Variants in ELAPOR2 observed in about 807,000 individuals in gnomAD.
ELAPOR2 encodes endosome/lysosome-associated apoptosis and autophagy regulator family member 2.
In ELAPOR2, 89 loss-of-function variants were observed where a neutral mutation model predicts 120.7. The observed-to-expected ratio is 0.74, with a 90% CI of 0.62 to 0.88. The LOEUF (loss-of-function observed/expected upper bound fraction) is 0.88, where lower values mean the gene tolerates loss of function less well. Ranked by LOEUF, ELAPOR2 falls within the 40% of genes least tolerant of loss-of-function variation. The pLI is 0.00. For missense variants in ELAPOR2, 1,134 were observed against 1,251.6 expected, an observed-to-expected ratio of 0.91 and a Z score of 1.42; for synonymous variants, 444 against 444.9, an observed-to-expected ratio of 1.00 and a Z score of 0.03.
chr7:87,016,664 A>G (rs1273501216), intron 1 of ELAPOR2, among the ~76,000 whole-genome samples: 1 of 138,208 alleles, frequency 7.2e-6, no homozygotes, highest in African/African-American at 2.7e-5. Context: ...TATAGTAACT[A>G]TTATATATAT....
chr7:86,950,415 T>A (rs1791196267), intron 2 of ELAPOR2, among the ~76,000 whole-genome samples: 1 of 152,132 alleles, frequency 6.6e-6, no homozygotes, highest in African/African-American at 2.4e-5. Flanking sequence ...ATACCAGACC[T>A]GGAAGCTCCC....
At chr7:86,985,170 T>C (rs1210105474) in intron 1 of ELAPOR2, among the ~76,000 whole-genome samples, 1 of 152,132 alleles carries the variant, frequency 6.6e-6, no homozygotes, top group Non-Finnish European at 1.5e-5. Context: ...AATAGACCAA[T>C]AACAGGCTCT....
At chr7:87,008,915 A>G (rs1446831319) in intron 1 of ELAPOR2, among the ~76,000 whole-genome samples, 2 of 152,194 alleles carry the variant, frequency 1.3e-5, no homozygotes, top group East Asian at 3.8e-4. Context: ...CCTACAAAAA[A>G]GGAATCGGGG....
At position 86,913,018 on chromosome 7, in the gene ELAPOR2, C is replaced by T. The variant is rs932275148; in HGVS notation, c.1918G>A (p.Asp640Asn). 2.3e-5 allele frequency: 37 copies of T among 1,613,930 alleles called. No homozygotes were observed. Among genetic ancestry groups the T allele is most frequent in the Non-Finnish European group, 3.0e-5 (35 of 1,180,006 alleles). Reference protein sequence around the residue: ...ETNQCKECPPDTYLSIHQVYG... With the variant: ...ETNQCKECPPNTYLSIHQVYG... The stretch of plus-strand genomic sequence containing the variant: ...ACCTGATGTATGGACAGGTAGGTGT[C>T]AGGTGGACATTCCTTGCACTGGTTG... The change falls in exon 14 of 22, where the codon GAC (aspartate) becomes AAC (asparagine). Residue 640 changes from aspartate to asparagine, a missense_variant. By Grantham distance (23) the Asp-to-Asn change is conservative. Around this residue, in one of 3 missense-constraint regions of ELAPOR2, gnomAD observed 831 missense variants for 867.6 expected, o/e 0.96. Transcript: ENST00000450689.
intron 19 of ELAPOR2, 103 bp downstream of exon 19, chr7:86,897,402 TA>T (rs1788484706): frequency 7.3e-7 from 1 of 1,376,072 alleles, no homozygotes; most frequent in Non-Finnish European, 9.9e-7. Flanking sequence ...AACATTAAGT[TA>T]AATACAAGCT....
intron 1 of ELAPOR2, among the ~76,000 whole-genome samples, chr7:87,007,479 T>C (rs1260436810): frequency 1.3e-5 from 2 of 152,134 alleles, no homozygotes; most frequent in Non-Finnish European, 2.9e-5. Flanking sequence ...TGAAATAAGA[T>C]AAAGAGGTAG....
chr7:86,925,770 A>T, intron 9 of ELAPOR2, 114 bp from the exon 10 acceptor site: 1 of 967,128 alleles, frequency 1.0e-6, no homozygotes, highest in Non-Finnish European at 1.6e-6. Context: ...GTGGAAAAAA[A>T]AGATATTGGA....
intron 21 of ELAPOR2, among the ~76,000 whole-genome samples, chr7:86,890,060 T>G (rs1442242646): frequency 2.0e-5 from 3 of 151,898 alleles, no homozygotes; most frequent in Non-Finnish European, 4.4e-5. Context: ...GATCCCAGCT[T>G]CAGTCAGTCA....
chr7:86,922,691 C>T (rs1391123038), intron 10 of ELAPOR2, among the ~76,000 whole-genome samples: 1 of 151,756 alleles, frequency 6.6e-6, no homozygotes, highest in Non-Finnish European at 1.5e-5. Context: ...TTCACCAAAT[C>T]GCTCCCACTA....
intron 1 of ELAPOR2, among the ~76,000 whole-genome samples, chr7:87,048,808 T>G (rs1374999260): frequency 6.6e-6 from 1 of 152,218 alleles, no homozygotes; most frequent in African/African-American, 2.4e-5. Flanking sequence ...ATTGTCCCAA[T>G]GAAATAGCAT....
intron 21 of ELAPOR2, among the ~76,000 whole-genome samples, chr7:86,886,974 C>G (rs943896510): frequency 1.3e-5 from 2 of 151,326 alleles, no homozygotes; most frequent in Admixed American, 6.6e-5. Flanking sequence ...GTGGACAGAA[C>G]TCAAAGGCAT....
intron 1 of ELAPOR2, among the ~76,000 whole-genome samples, chr7:87,037,224 T>C (rs1191326432): frequency 1.3e-5 from 2 of 152,138 alleles, no homozygotes; most frequent in African/African-American, 4.8e-5. Flanking sequence ...TATGTACTCA[T>C]GGCTCCCAAG....
rs1304799985 is a variant in ELAPOR2, at chr7:86,877,187, T to C, written c.*3284A>G. 1 of 152,214 alleles carries C rather than the reference T, an allele frequency of 6.6e-6. No homozygotes were observed. Among genetic ancestry groups the C allele is most frequent in the Non-Finnish European group, 1.5e-5 (1 of 68,040 alleles). The allele number at this position is 152,214 out of a possible 1,614,324, so 9.4% of individuals were successfully genotyped here. The stretch of plus-strand genomic sequence containing the variant: ...CATTCCCATCTTAAAGTTTTACTTC[T>C]TTCATTTATGATTCTAAAAGGAACT... On this transcript the variant is annotated 3_prime_UTR_variant, in exon 22 of 22. Transcript: ENST00000450689.
chr7:86,886,440 T>C (rs1481663964), intron 21 of ELAPOR2, among the ~76,000 whole-genome samples: 1 of 152,140 alleles, frequency 6.6e-6, no homozygotes, highest in Non-Finnish European at 1.5e-5. Context: ...GATACAATTC[T>C]CTATAACTAA....
At chr7:86,912,852 T>C (rs1789378572) in intron 14 of ELAPOR2, 89 bp downstream of exon 14, 2 of 1,452,976 alleles carry the variant, frequency 1.4e-6, no homozygotes, top group South Asian at 2.6e-5. Flanking sequence ...AGCAACCTCA[T>C]AGCTCCCAGA....
intron 1 of ELAPOR2, among the ~76,000 whole-genome samples, chr7:87,034,171 T>C (rs374912803): frequency 1.3e-5 from 2 of 152,136 alleles, no homozygotes; most frequent in African/African-American, 2.4e-5. Flanking sequence ...ATATATGTAA[T>C]AGAGGCAGTA....
At chr7:87,034,211 G>T (rs1168832611) in intron 1 of ELAPOR2, among the ~76,000 whole-genome samples, 1 of 152,112 alleles carries the variant, frequency 6.6e-6, no homozygotes, top group African/African-American at 2.4e-5. Flanking sequence ...ATGGGCCCTG[G>T]TGTAGCAGCT....
chr7:86,918,483 C>A lies in ELAPOR2; in HGVS notation c.1552G>T (p.Glu518Ter). The A allele has an allele frequency of 6.2e-7, 1 of 1,613,372 alleles. No individual in the cohort carries two copies. Among genetic ancestry groups the A allele is most frequent in the Non-Finnish European group, 8.5e-7 (1 of 1,179,540 alleles). ...SELGRITFVF[E>*]TLCSADCVLY... is the part of the protein sequence containing the mutation. ...ACACAGTCAGCTGAACAGAGGGTCT[C>A]AAAGACAAATGTTATTCTTCCTAGT... The change falls in exon 12 of 22, where the codon GAG becomes TAG. Residue 518 changes from glutamate (E) to a stop codon, truncating the protein, a stop_gained. Transcript: ENST00000450689. LOFTEE classifies it high-confidence loss of function.
rs1217092325 is a variant in ELAPOR2, at chr7:86,879,090, T to A, written c.*1381A>T. The A allele has an allele frequency of 6.6e-6, 1 of 152,168 alleles. No homozygotes were observed. The highest frequency in any genetic ancestry group is 6.6e-5 in the Admixed American group (1 of 15,262). 9.4% of individuals were successfully genotyped at this position (152,168 alleles called of 1,614,324 possible). ...CCTGCCTCTCTCAGCCAATCACAAC[T>A]ATTTTTTTAAATCTGCATTAAGGTC... On this transcript the variant is annotated 3_prime_UTR_variant, in exon 22 of 22. Coordinates refer to ENST00000450689, the MANE Select transcript of ELAPOR2 (RefSeq NM_001142749.3).
Sources: gnomAD v4.1 joint callset for allele counts (sites outside exome capture counted in the v4.1 genomes callset) on GRCh38, gnomAD v4.1.1 for gene constraint, gnomAD v4.1.1 regional missense constraint, MANE v1.5 for transcripts, NCBI Gene and HGNC (gene_info 2026-07-23, HGNC 2026-07-21) for gene names.